PURG: variants seen among roughly 807,000 people sequenced by gnomAD.
PURG encodes the protein purine rich element binding protein G.
PURG carries 3 observed loss-of-function variants against 24.3 expected under a neutral mutation model. That is an observed-to-expected ratio of 0.12 (90% CI 0.06 to 0.32). The LOEUF (loss-of-function observed/expected upper bound fraction) is 0.32, where lower values mean the gene tolerates loss of function less well. Among genes scored for constraint, PURG ranks in the 10% least tolerant of loss-of-function variants. The probability of loss-of-function intolerance (pLI) is 1.00; values close to 1 mark genes in which losing one functional copy is unlikely to be tolerated. For missense variants in PURG, 371 were observed against 439.1 expected (o/e 0.84, Z 1.39); for synonymous variants, 180 against 173.1 (o/e 1.04, Z -0.31).
intron 1 of PURG, among the ~76,000 whole-genome samples, chr8:30,999,197 G>A (rs537553493): frequency 1.3e-5 from 2 of 151,796 alleles, no homozygotes; most frequent in South Asian, 4.1e-4. Flanking sequence ...TAGTTGTCTT[G>A]GCAGCTCCAG....
chr8:31,015,773 G>A (rs371688176), intron 1 of PURG, among the ~76,000 whole-genome samples: 4 of 152,072 alleles, frequency 2.6e-5, no homozygotes, highest in South Asian at 4.1e-4. Flanking sequence ...AGCCCTGGCC[G>A]GGTGCAGTGC....
At chr8:31,029,096 T>C (rs1011831821), downstream of PURG, among the ~76,000 whole-genome samples, 1 of 151,880 alleles carries the variant, frequency 6.6e-6, no homozygotes, top group African/African-American at 2.4e-5. Context: ...ATAAGATACA[T>C]GGCAATACAT....
chr8:31,013,555 G>T (rs1176782603), intron 1 of PURG, among the ~76,000 whole-genome samples: 1 of 152,090 alleles, frequency 6.6e-6, no homozygotes, highest in Non-Finnish European at 1.5e-5. Flanking sequence ...CGGCCAACAT[G>T]GTGAAACTTC....
rs1009838354 is a variant in PURG, at chr8:31,032,691, T to C, written c.92A>G (p.Tyr31Cys). The change falls in exon 2 of 2, where the codon TAT becomes TGT. Residue 31 changes from tyrosine to cysteine, a missense_variant. By Grantham distance (194) the Tyr-to-Cys change is radical. This residue lies in a region of PURG where 213 missense variants were observed against 230.6 expected (regional missense o/e 0.92). Coordinates refer to ENST00000523392, the MANE Select transcript of PURG (RefSeq NM_001323311.2). This position sits in a 1 kb window ranked among gnomAD's most constrained non-coding sequence, Gnocchi z 5.9. ...GGSGLSKSRL[Y>C]PQAQHSHYPH... ...GTAGTGGGAGTGCTGGGCCTGGGGA[T>C]AGAGTCTACTCTTGCTTAGGCCAGA... 6 of 1,532,612 alleles carry C rather than the reference T, an allele frequency of 3.9e-6. No homozygotes were observed. Among genetic ancestry groups the C allele is most frequent in the African/African-American group, 1.4e-5 (1 of 72,222 alleles). 94.9% of individuals were successfully genotyped at this position (1,532,612 alleles called of 1,614,324 possible).
At chr8:31,016,953 T>G (rs895809737) in intron 1 of PURG, among the ~76,000 whole-genome samples, 1 of 152,118 alleles carries the variant, frequency 6.6e-6, no homozygotes, top group Non-Finnish European at 1.5e-5. Context: ...GTGGAGATGC[T>G]CTGCTCTTTT....
chr8:30,998,144 T>G (rs1810464628), intron 1 of PURG, among the ~76,000 whole-genome samples: 1 of 151,842 alleles, frequency 6.6e-6, no homozygotes, highest in Non-Finnish European at 1.5e-5. Flanking sequence ...AGCCTTCAAA[T>G]TTTACAACAT....
rs1422798737 is a variant in PURG, at chr8:31,031,491, C to T, written c.*248G>A. 1 of 495,034 alleles carries T rather than the reference C, an allele frequency of 2.0e-6. No individual in the cohort carries two copies. The highest frequency in any genetic ancestry group is 3.6e-6 in the Non-Finnish European group (1 of 280,040). 30.7% of individuals were successfully genotyped at this position (495,034 alleles called of 1,614,324 possible). On this transcript the variant is annotated 3_prime_UTR_variant, in exon 2 of 2. Transcript: ENST00000523392. ...GTCACATTTTGTGCTGATTTGCATA[C>T]TTCAATAGTCTGGAGCAGTTGAAGC... is the stretch of plus-strand genomic sequence containing the variant.
At chr8:31,028,392 T>A (rs1242087680), downstream of PURG, among the ~76,000 whole-genome samples, 2 of 151,836 alleles carry the variant, frequency 1.3e-5, no homozygotes, top group Non-Finnish European at 3.0e-5. Flanking sequence ...TTGAAACACA[T>A]CCCACCTGTC....
At chr8:30,997,939 CA>C (rs1307808832) in intron 1 of PURG, among the ~76,000 whole-genome samples, 1 of 151,410 alleles carries the variant, frequency 6.6e-6, no homozygotes, top group Non-Finnish European at 1.5e-5. Flanking sequence ...CTGACTTGAG[CA>C]AAAAAGAAAC....
At chr8:31,022,967 T>C (rs1439144826) in intron 1 of PURG, among the ~76,000 whole-genome samples, 1 of 152,236 alleles carries the variant, frequency 6.6e-6, no homozygotes, top group Non-Finnish European at 1.5e-5. Context: ...TTTTGGCACG[T>C]AGGTGACTTC....
At chr8:30,996,062 T>C (rs1810422383) in exon 2 of PURG, 1 of 152,228 alleles carries the variant, frequency 6.6e-6, no homozygotes, top group African/African-American at 2.4e-5. Flanking sequence ...GTATGGTCTA[T>C]TATAAACAAT....
At chr8:31,019,522 G>A (rs906862243) in intron 1 of PURG, among the ~76,000 whole-genome samples, 1 of 150,804 alleles carries the variant, frequency 6.6e-6, no homozygotes, top group Non-Finnish European at 1.5e-5. Flanking sequence ...TAGTAGAGAC[G>A]GGGTTTCACT....
In PURG at chr8:31,031,754, T is replaced by C; in HGVS notation, c.1029A>G (p.Gln343=). Residue 343 remains glutamine (Q), a synonymous_variant, in exon 2 of 2, where the codon CAA becomes CAG. Coordinates refer to ENST00000523392, the MANE Select transcript of PURG (RefSeq NM_001323311.2). The part of the protein sequence containing the change: ...MDGRKASGEE[Q]ECLD Reference sequence around the variant, plus strand: ...CAATTTCACTCTAGTCGAGGCATTCTTGTTCTTCACCACTGGCCTTTCTGC... The same window carrying C: ...CAATTTCACTCTAGTCGAGGCATTCCTGTTCTTCACCACTGGCCTTTCTGC... The C allele has an allele frequency of 6.5e-7, 1 of 1,549,658 alleles. No homozygotes were observed. The highest frequency in any genetic ancestry group is 8.7e-7 in the Non-Finnish European group (1 of 1,146,124).
In PURG at chr8:31,032,419, A is replaced by G. The variant is rs1811244689; in HGVS notation, c.364T>C (p.Phe122Leu). The change falls in exon 2 of 2, where the codon TTC becomes CTC. Residue 122 changes from phenylalanine to leucine, a missense_variant. Physicochemically the swap from Phe to Leu is conservative, Grantham distance 22. Around this residue, in one of 5 missense-constraint regions of PURG, gnomAD observed 213 missense variants for 230.6 expected, o/e 0.92. Coordinates refer to ENST00000523392, the MANE Select transcript of PURG (RefSeq NM_001323311.2). This position sits in a 1 kb window ranked among gnomAD's most constrained non-coding sequence, Gnocchi z 5.9. The part of the protein sequence containing the change: ...AAELKDCLGD[F>L]IEHYAHLGLK... ...CCCAGGTGGGCATAGTGCTCGATGAAGTCCCCTAGACAGTCCTTCAGCTCC... is the reference window on the plus strand; with the variant it reads ...CCCAGGTGGGCATAGTGCTCGATGAGGTCCCCTAGACAGTCCTTCAGCTCC... The G allele has an allele frequency of 6.2e-7, 1 of 1,613,916 alleles. No homozygotes were observed. Among genetic ancestry groups the G allele is most frequent in the Non-Finnish European group, 8.5e-7 (1 of 1,180,040 alleles).
chr8:31,026,959 G>A (rs981492005), downstream of PURG, among the ~76,000 whole-genome samples: 1 of 150,984 alleles, frequency 6.6e-6, no homozygotes, highest in African/African-American at 2.4e-5. Flanking sequence ...TTTTCTTTAC[G>A]ACAGAGTTAC....
intron 1 of PURG, among the ~76,000 whole-genome samples, chr8:31,009,585 T>C (rs1248681952): frequency 6.6e-6 from 1 of 152,208 alleles, no homozygotes; most frequent in Non-Finnish European, 1.5e-5. Flanking sequence ...CAGCAATTCC[T>C]AGCTAACAGT....
downstream of PURG, among the ~76,000 whole-genome samples, chr8:31,028,514 A>C (rs1811130174): frequency 6.6e-6 from 1 of 151,838 alleles, no homozygotes; most frequent in African/African-American, 2.4e-5. Flanking sequence ...ACAAATGTGA[A>C]ATTCTCATAT....
At chr8:30,996,699 TA>T in intron 1 of PURG, 1 of 1,602,236 alleles carries the variant, frequency 6.2e-7, no homozygotes, top group Non-Finnish European at 8.5e-7. Flanking sequence ...ATTTGTGAGC[TA>T]AAGAAAAAAT....
chr8:31,028,991 T>C (rs1215926873), downstream of PURG, among the ~76,000 whole-genome samples: 1 of 151,864 alleles, frequency 6.6e-6, no homozygotes, highest in African/African-American at 2.4e-5. Flanking sequence ...ATTCTGTTAT[T>C]TTGAAGGATA....
Sources: gnomAD v4.1 joint callset for allele counts (sites outside exome capture counted in the v4.1 genomes callset) on GRCh38, gnomAD v4.1.1 for gene constraint, gnomAD v4.1.1 regional missense constraint, Gnocchi (gnomAD v3.1) non-coding constraint, MANE v1.5 for transcripts, NCBI Gene and HGNC (gene_info 2026-07-23, HGNC 2026-07-21) for gene names.